The following SMIM18 variants were observed in gnomAD, a reference collection of about 807,000 sequenced individuals.
SMIM18 encodes the protein small integral membrane protein 18.
A neutral mutation model predicts 5.9 loss-of-function variants in SMIM18; 4 were observed. The ratio of observed to expected loss-of-function variants is 0.68; its 90% CI spans 0.33 to 1.56. The LOEUF (loss-of-function observed/expected upper bound fraction) is 1.56. Ranked by LOEUF, SMIM18 falls within the 40% of genes most tolerant of loss-of-function variation. The pLI, the probability that SMIM18 is intolerant of heterozygous loss-of-function variation, is 0.06. For missense variants in SMIM18, 89 were observed against 109.7 expected (o/e 0.81, Z 0.84); for synonymous variants, 37 against 37.4 (o/e 0.99, Z 0.04).
rs1378703904 is a variant in SMIM18 at position 30,640,154 on chromosome 8, T to C, written c.-111+1515T>C. Among the ~76,000 whole-genome samples the C allele has an allele frequency of 3.3e-5, 5 of 152,186 alleles. No individual in the cohort carries two copies. In the East Asian group the frequency reaches 7.7e-4, roughly 23 times the overall value. Reference sequence around the variant, plus strand: ...TGTTTCACCAAACTGACTGGAGACATGGCCTAAGTTCCAGAGCTTAAATTA... The same window carrying C: ...TGTTTCACCAAACTGACTGGAGACACGGCCTAAGTTCCAGAGCTTAAATTA... On this transcript the variant is annotated intron_variant, in intron 1 of 2. Coordinates refer to ENST00000517349, the MANE Select transcript of SMIM18 (RefSeq NM_001206847.2).
At chr8:30,639,767 G>GT (rs144757695) in intron 1 of SMIM18, among the ~76,000 whole-genome samples, 2,203 of 147,438 alleles carry the variant, frequency 0.015, 50 homozygotes, top group African/African-American at 0.046. Flanking sequence ...AAGGGTTTTT[G>GT]TTTTTTTTTT....
Position 30,645,370 on chromosome 8 carries a change from G to T in SMIM18, c.61G>T (p.Val21Phe). The T allele has an allele frequency of 2.6e-6, 4 of 1,535,646 alleles. No individual in the cohort carries two copies. Among genetic ancestry groups the T allele is most frequent in the Non-Finnish European group, 3.5e-6 (4 of 1,146,898 alleles). The change falls in exon 3 of 3, where the codon GTT becomes TTT. Residue 21 changes from valine to phenylalanine, a missense_variant. Coordinates refer to ENST00000517349, the MANE Select transcript of SMIM18 (RefSeq NM_001206847.2). ...TGTTTATCAGTACCTTGGTTTTCAA[G>T]TTCAAAAAATTTACCCTTTCCATGA... ...TSVYQYLGFQ[V>F]QKIYPFHDNW...
intron 1 of SMIM18, among the ~76,000 whole-genome samples, chr8:30,639,818 A>G (rs1283278733): frequency 2.0e-5 from 3 of 151,740 alleles, no homozygotes; most frequent in Non-Finnish European, 4.4e-5. Context: ...GCATTCAGCT[A>G]GCCTGAGCAA....
intron 1 of SMIM18, among the ~76,000 whole-genome samples, chr8:30,640,825 T>C (rs563270368): frequency 1.3e-5 from 2 of 152,066 alleles, no homozygotes; most frequent in Non-Finnish European, 2.9e-5. Context: ...CTGCCTTGGC[T>C]TCCTGAGAAA....
At chr8:30,639,179 T>C (rs1801719994) in intron 1 of SMIM18, among the ~76,000 whole-genome samples, 1 of 152,200 alleles carries the variant, frequency 6.6e-6, no homozygotes, top group African/African-American at 2.4e-5. Context: ...ATGCAGAGAA[T>C]GCCAAGAAAT....
Position 30,645,448 on chromosome 8 carries a change from G to T in SMIM18, c.139G>T (p.Val47Leu), listed in dbSNP as rs748620452. The change falls in exon 3 of 3, where the codon GTA becomes TTA. Residue 47 changes from valine (V) to leucine (L), a missense_variant. Physicochemically the swap from Val to Leu is conservative, Grantham distance 32. Coordinates refer to ENST00000517349, the MANE Select transcript of SMIM18 (RefSeq NM_001206847.2). Reference sequence around the variant, plus strand: ...CCTGCTTTTATTTATATTTACAGTGGTATCTTTAGTGGTGCTGGCTTTCCT... The same window carrying T: ...CCTGCTTTTATTTATATTTACAGTGTTATCTTTAGTGGTGCTGGCTTTCCT... ...VILLLFIFTV[V>L]SLVVLAFLYE... The T allele has an allele frequency of 2.0e-5, 30 of 1,535,480 alleles. No individual in the cohort carries two copies. The highest frequency in any genetic ancestry group is 2.4e-5 in the Non-Finnish European group (28 of 1,146,910).
In SMIM18 at chr8:30,645,570, C is replaced by G. The variant is rs1221126526; in HGVS notation, c.261C>G (p.Ile87Met). 4.6e-6 allele frequency: 7 copies of G among 1,535,406 alleles called. No homozygotes were observed. The highest frequency in any genetic ancestry group is 1.4e-5 in the African/African-American group (1 of 72,982). Residue 87 changes from isoleucine (I) to methionine (M), a missense_variant, in exon 3 of 3, where the codon ATC becomes ATG. Physicochemically the swap from Ile to Met is conservative, Grantham distance 10 (BLOSUM62 1). Transcript: ENST00000517349. ...CTCTTAGAAGTATGATGGACAACAT[C>G]AGAAAACGTGAAACTGAAGTGGTCT... ...PNPLRSMMDN[I>M]RKRETEVV
chr8:30,640,413 AAAATGGGAGTAAACATATC>A (rs1206110700), intron 1 of SMIM18, among the ~76,000 whole-genome samples: 1 of 152,094 alleles, frequency 6.6e-6, no homozygotes, highest in African/African-American at 2.4e-5. Context: ...TAAACATATC[AAAATGGGAGTAAACATATC>A]AAATGGGAGT....
chr8:30,645,558 G>A lies in SMIM18; in HGVS notation c.249G>A (p.Met83Ile). ...GTGAACCCAACCCTCTTAGAAGTAT[G>A]ATGGACAACATCAGAAAACGTGAAA... ...LKSEPNPLRS[M>I]MDNIRKRETE... The change falls in exon 3 of 3, where the codon ATG becomes ATA. Residue 83 changes from methionine (M) to isoleucine (I), a missense_variant. Physicochemically the swap from Met to Ile is conservative, Grantham distance 10. Transcript: ENST00000517349. The A allele has an allele frequency of 1.3e-6, 2 of 1,535,636 alleles. No individual in the cohort carries two copies. The highest frequency in any genetic ancestry group is 1.7e-6 in the Non-Finnish European group (2 of 1,146,884).
chr8:30,639,160 T>C (rs1291777943), intron 1 of SMIM18, among the ~76,000 whole-genome samples: 1 of 152,206 alleles, frequency 6.6e-6, no homozygotes, highest in Non-Finnish European at 1.5e-5. Flanking sequence ...TATTTTGCTT[T>C]GAATGTAGAT....
At chr8:30,640,712 T>A (rs1488218352) in intron 1 of SMIM18, among the ~76,000 whole-genome samples, 1 of 152,212 alleles carries the variant, frequency 6.6e-6, no homozygotes, top group African/African-American at 2.4e-5. Flanking sequence ...GTATTTCTAT[T>A]TTTTGGCGGG....
At chr8:30,643,167 T>C (rs916391411) in intron 1 of SMIM18, among the ~76,000 whole-genome samples, 13 of 152,228 alleles carry the variant, frequency 8.5e-5, no homozygotes, top group Non-Finnish European at 1.2e-4. Flanking sequence ...AGGAATTATA[T>C]TGTTATGGCT....
At chr8:30,644,147 C>G (rs551533372) in intron 1 of SMIM18, among the ~76,000 whole-genome samples, 18 of 152,150 alleles carry the variant, frequency 1.2e-4, no homozygotes, top group Non-Finnish European at 2.5e-4. Flanking sequence ...TTCCTCATTA[C>G]TATAGTTCCA....
intron 1 of SMIM18, among the ~76,000 whole-genome samples, chr8:30,642,122 G>A (rs1801858126): frequency 6.6e-6 from 1 of 152,180 alleles, no homozygotes; most frequent in South Asian, 2.1e-4. Flanking sequence ...TTAAGTGAAA[G>A]TAAGTTTATT....
intron 1 of SMIM18, 26 bp from the exon 2 acceptor site, chr8:30,644,466 T>C (rs996582230): frequency 1.3e-5 from 2 of 152,196 alleles, no homozygotes; most frequent in Non-Finnish European, 2.9e-5. Context: ...TTATTTGGTT[T>C]TCTTTCTCTA....
chr8:30,645,591 G>A lies in SMIM18; in HGVS notation c.282G>A (p.Val94=), dbSNP rs1199196921. Residue 94 remains valine (V), a synonymous_variant, in exon 3 of 3, where the codon GTG becomes GTA. Coordinates refer to ENST00000517349, the MANE Select transcript of SMIM18 (RefSeq NM_001206847.2). The part of the protein sequence containing the change: ...MDNIRKRETE[V]V ...ACATCAGAAAACGTGAAACTGAAGT[G>A]GTCTAACACTCTATAGAAGATGAAC... 9.1e-6 allele frequency: 14 copies of A among 1,535,058 alleles called. No homozygotes were observed. The highest frequency in any genetic ancestry group is 1.1e-5 in the Non-Finnish European group (13 of 1,146,682).
intron 1 of SMIM18, among the ~76,000 whole-genome samples, chr8:30,640,076 C>T (rs1333082436): frequency 6.6e-6 from 1 of 152,164 alleles, no homozygotes; most frequent in Non-Finnish European, 1.5e-5. Context: ...CTATCATCAG[C>T]CTGCATTTTG....
chr8:30,643,198 C>T (rs2978257), intron 1 of SMIM18, among the ~76,000 whole-genome samples: 69,965 of 151,918 alleles, frequency 0.46, 16,329 homozygotes, highest in South Asian at 0.59. Context: ...GGTGTGAAAA[C>T]AATATTGTGG....
chr8:30,645,705 G>T lies in SMIM18; in HGVS notation c.*108G>T. On this transcript the variant is annotated 3_prime_UTR_variant, in exon 3 of 3. Coordinates refer to ENST00000517349, the MANE Select transcript of SMIM18 (RefSeq NM_001206847.2). ...CTACAAAACAAATTCTGACTGAATG[G>T]TTAAAACATTTCTAGTAGAAGGGGA... The T allele has an allele frequency of 8.8e-7, 1 of 1,137,150 alleles. No individual in the cohort carries two copies. The highest frequency in any genetic ancestry group is 1.2e-6 in the Non-Finnish European group (1 of 827,494). 70.4% of individuals were successfully genotyped at this position (1,137,150 alleles called of 1,614,324 possible).
Sources: allele counts gnomAD v4.1 joint callset (sites outside exome capture counted in the v4.1 genomes callset), GRCh38; gene constraint gnomAD v4.1.1; transcripts MANE v1.5; gene names NCBI Gene and HGNC (gene_info 2026-07-23, HGNC 2026-07-21).